Variants in RBFOX1 observed in about 807,000 individuals in gnomAD.
RBFOX1 encodes the protein RNA binding protein fox-1 homolog 1.
RBFOX1 carries 8 observed loss-of-function variants against 57.7 expected under a neutral mutation model. That is an observed-to-expected ratio of 0.14 (90% CI 0.08 to 0.25). The LOEUF is 0.25. RBFOX1 is among the 10% of genes least tolerant of loss of function. RBFOX1 has a pLI of 1.00. For synonymous variants in RBFOX1, 326 were observed against 222.4 expected, an observed-to-expected ratio of 1.47 and a Z score of -4.15; for missense variants, 611 against 548.5, an observed-to-expected ratio of 1.11 and a Z score of -1.14.
At chr16:6,140,351 A>G (rs1011061473) in intron 1 of RBFOX1, among the ~76,000 whole-genome samples, 8 of 151,960 alleles carry the variant, frequency 5.3e-5, no homozygotes, top group African/African-American at 1.9e-4. Flanking sequence ...GCCATCATGC[A>G]TGGCTAATTT....
intron 3 of RBFOX1, among the ~76,000 whole-genome samples, chr16:5,775,180 A>G (rs2054105813): frequency 6.6e-6 from 1 of 152,140 alleles, no homozygotes; most frequent in Admixed American, 6.6e-5. Flanking sequence ...CCTATTCTGG[A>G]GCTTTTGGAA....
intron 4 of RBFOX1, among the ~76,000 whole-genome samples, chr16:7,349,825 G>C (rs1045648603): frequency 3.9e-5 from 6 of 152,172 alleles, no homozygotes; most frequent in East Asian, 1.9e-4. Flanking sequence ...GAGAATATCA[G>C]ATGCTGTTAG....
chr16:7,246,070 A>T (rs1294695469), intron 4 of RBFOX1, among the ~76,000 whole-genome samples: 1 of 152,108 alleles, frequency 6.6e-6, no homozygotes, highest in African/African-American at 2.4e-5. Context: ...ACTGTTAAGT[A>T]TGTTTTTACT....
At chr16:6,007,356 G>T (rs1032801176) in intron 4 of RBFOX1, among the ~76,000 whole-genome samples, 1 of 152,198 alleles carries the variant, frequency 6.6e-6, no homozygotes, top group Non-Finnish European at 1.5e-5. Context: ...AACATGACAA[G>T]GCACTGAGGG....
At chr16:7,702,763 C>T (rs926085974) in intron 14 of RBFOX1, among the ~76,000 whole-genome samples, 1 of 152,178 alleles carries the variant, frequency 6.6e-6, no homozygotes, top group Admixed American at 6.5e-5. Flanking sequence ...AGATGCAGTT[C>T]CTCCGGATGG....
chr16:6,556,332 C>G (rs566428614), intron 2 of RBFOX1, among the ~76,000 whole-genome samples: 3 of 152,296 alleles, frequency 2.0e-5, no homozygotes, highest in Admixed American at 1.3e-4. Context: ...GTGACACTAT[C>G]TCTTTGGAAT....
intron 2 of RBFOX1, among the ~76,000 whole-genome samples, chr16:5,531,741 T>G (rs2044485502): frequency 6.6e-6 from 1 of 151,988 alleles, no homozygotes; most frequent in Non-Finnish European, 1.5e-5. Flanking sequence ...TTAACTTCTA[T>G]TAAGTCTCAT....
At chr16:6,426,029 G>A (rs565981870) in intron 2 of RBFOX1, among the ~76,000 whole-genome samples, 2 of 151,640 alleles carry the variant, frequency 1.3e-5, no homozygotes, top group African/African-American at 4.8e-5. Flanking sequence ...AATCTTGTTG[G>A]CATTTTACTT....
chr16:7,450,595 T>C (rs2098844420), intron 4 of RBFOX1, among the ~76,000 whole-genome samples: 1 of 152,078 alleles, frequency 6.6e-6, no homozygotes, highest in South Asian at 2.1e-4. Context: ...AAAAGAGCGT[T>C]AATGTGACAT....
intron 3 of RBFOX1, among the ~76,000 whole-genome samples, chr16:5,625,422 C>T (rs565148610): frequency 6.6e-6 from 1 of 152,080 alleles, no homozygotes; most frequent in Non-Finnish European, 1.5e-5. Flanking sequence ...TCACACAGCT[C>T]CTCAGGAGTC....
rs1365397379 is a variant in RBFOX1, at chr16:5,251,449, G to A, written c.219+11344G>A. On this transcript the variant is annotated intron_variant, in intron 1 of 2. Transcript: ENST00000585867. ...ATTGCTAGACTGTGGCTTTACCGGG[G>A]GCATTGTCTTAGTGCCGAGCCCAGA... is the stretch of plus-strand genomic sequence containing the variant. 3.3e-5 allele frequency among the ~76,000 whole-genome samples: 5 copies of A among 152,188 alleles called. 1 individual carries two copies. Among genetic ancestry groups the A allele is most frequent in the Admixed American group, 1.3e-4 (2 of 15,284 alleles).
chr16:7,658,461 A>G (rs2066874881), intron 12 of RBFOX1, among the ~76,000 whole-genome samples: 2 of 152,144 alleles, frequency 1.3e-5, no homozygotes, highest in Non-Finnish European at 2.9e-5. Context: ...CTGAGAAGCC[A>G]CAATGCCCAG....
chr16:7,504,619 T>C (rs956063888), intron 4 of RBFOX1, among the ~76,000 whole-genome samples: 8 of 146,826 alleles, frequency 5.4e-5, no homozygotes, highest in African/African-American at 1.3e-4. Context: ...TTTGCACTTA[T>C]TCACTTCAAG....
Position 7,711,040 on chromosome 16 carries a change from A to C in RBFOX1, c.*295A>C. On this transcript the variant is annotated 3_prime_UTR_variant, in exon 16 of 16. Coordinates refer to ENST00000550418, the MANE Select transcript of RBFOX1 (RefSeq NM_018723.4). Reference sequence around the variant, plus strand: ...AATGAATAAAAACTGGTTTAGGGCCATATCCAGAGTGCTATATTATGTAAA... The same window carrying C: ...AATGAATAAAAACTGGTTTAGGGCCCTATCCAGAGTGCTATATTATGTAAA... 3.7e-6 allele frequency: 1 copy of C among 273,776 alleles called. No individual in the cohort carries two copies. Among genetic ancestry groups the C allele is most frequent in the Non-Finnish European group, 6.7e-6 (1 of 149,144 alleles). 17.0% of individuals were successfully genotyped at this position (273,776 alleles called of 1,614,324 possible).
Position 6,169,694 on chromosome 16 carries a change from G to A in RBFOX1, c.-126-147301G>A, listed in dbSNP as rs78831863. 5.5e-3 allele frequency among the ~76,000 whole-genome samples: 845 copies of A among 152,352 alleles called. 7 individuals are homozygous for A. Among genetic ancestry groups the A allele is most frequent in the East Asian group, 0.029 (150 of 5,170 alleles). On this transcript the variant is annotated intron_variant, in intron 1 of 15. Coordinates refer to ENST00000550418, the MANE Select transcript of RBFOX1 (RefSeq NM_018723.4). ...AGTTTCAACACTCAGCAGTGTATGA[G>A]TGATTGAGGTGCAGCCACTAGGATT... is the stretch of plus-strand genomic sequence containing the variant.
chr16:7,184,679 C>A (rs190899049), intron 4 of RBFOX1, among the ~76,000 whole-genome samples: 1,870 of 152,208 alleles, frequency 0.012, 23 homozygotes, highest in Non-Finnish European at 0.021. Context: ...GTTACAAACC[C>A]CCAAACCTGA....
intron 3 of RBFOX1, among the ~76,000 whole-genome samples, chr16:5,630,655 C>T (rs1023077743): frequency 2.0e-5 from 3 of 152,088 alleles, no homozygotes; most frequent in Non-Finnish European, 4.4e-5. Context: ...CCTCATCAAC[C>T]AGCGTTTCCC....
chr16:7,282,337 C>T (rs1041686662), intron 4 of RBFOX1, among the ~76,000 whole-genome samples: 1 of 152,196 alleles, frequency 6.6e-6, no homozygotes, highest in Non-Finnish European at 1.5e-5. Context: ...CAACTCATTG[C>T]AAGGCACAGG....
chr16:7,207,509 A>G (rs73547521), intron 4 of RBFOX1, among the ~76,000 whole-genome samples: 15,028 of 152,230 alleles, frequency 0.099, 805 homozygotes, highest in African/African-American at 0.11. Flanking sequence ...TGCCTGCTAC[A>G]TAATAGATGA....
Sources: gnomAD v4.1 joint callset for allele counts (sites outside exome capture counted in the v4.1 genomes callset) on GRCh38, gnomAD v4.1.1 for gene constraint, MANE v1.5 for transcripts, NCBI Gene and HGNC (gene_info 2026-07-23, HGNC 2026-07-21) for gene names.